PCDHA7: variants seen among roughly 807,000 people sequenced by gnomAD.
PCDHA7 encodes the protein protocadherin alpha-7.
PCDHA7 carries 37 observed loss-of-function variants against 57.2 expected under a neutral mutation model. The ratio of observed to expected loss-of-function variants is 0.65; its 90% CI spans 0.50 to 0.85. The LOEUF (loss-of-function observed/expected upper bound fraction) is 0.85. Ranked by LOEUF, PCDHA7 falls within the 40% of genes least tolerant of loss-of-function variation. The pLI is 0.00. For missense variants in PCDHA7, 1,188 were observed against 1,241.8 expected, an observed-to-expected ratio of 0.96 and a Z score of 0.65; for synonymous variants, 553 against 558.8, an observed-to-expected ratio of 0.99 and a Z score of 0.15.
intron 1 of PCDHA7, among the ~76,000 whole-genome samples, chr5:140,941,955 A>G (rs1424348103): frequency 1.3e-5 from 2 of 152,216 alleles, no homozygotes; most frequent in Non-Finnish European, 2.9e-5. Flanking sequence ...TTTGAAAACA[A>G]TAGTATCTTT....
intron 2 of PCDHA7, among the ~76,000 whole-genome samples, chr5:140,979,612 G>A (rs1223690856): frequency 6.6e-6 from 1 of 152,042 alleles, no homozygotes; most frequent in Admixed American, 6.6e-5. Flanking sequence ...CTAGAGTAAC[G>A]GTATTAGTCT....
At chr5:140,927,893 A>G (rs1554205201) in intron 1 of PCDHA7, 1 of 1,614,050 alleles carries the variant, frequency 6.2e-7, no homozygotes, top group Non-Finnish European at 8.5e-7. Flanking sequence ...ACTGACGTGA[A>G]CGATCATGCC....
chr5:140,867,395 T>C (rs1319055963), intron 1 of PCDHA7: 1 of 152,176 alleles, frequency 6.6e-6, no homozygotes, highest in Admixed American at 6.5e-5. Context: ...TTATAAAAGT[T>C]GATATGTCTC....
intron 1 of PCDHA7, chr5:140,876,311 G>A: frequency 1.2e-6 from 2 of 1,613,954 alleles, no homozygotes; most frequent in East Asian, 2.2e-5. Flanking sequence ...ATTTCCTATG[G>A]GATCAAAATG....
intron 1 of PCDHA7, chr5:140,843,752 T>C: frequency 6.6e-7 from 1 of 1,516,544 alleles, no homozygotes; most frequent in South Asian, 1.2e-5. Context: ...TAAATTCTAT[T>C]TGTGGAAATT....
intron 1 of PCDHA7, among the ~76,000 whole-genome samples, chr5:140,886,080 C>A (rs910230815): frequency 3.7e-4 from 56 of 152,268 alleles, no homozygotes; most frequent in African/African-American, 1.2e-3. Flanking sequence ...CATACCACAA[C>A]CTGGATATTG....
In PCDHA7 at chr5:141,011,970, C is replaced by T. The variant is rs975637071; in HGVS notation, c.*2033C>T. ...AGCATTAAATTTAAAAAAAAACTGT[C>T]TTGTCTACTTTTAGCTTCATTCTCC... On this transcript the variant is annotated 3_prime_UTR_variant, in exon 4 of 4. Coordinates refer to ENST00000525929, the MANE Select transcript of PCDHA7 (RefSeq NM_018910.3). 6.5e-6 allele frequency: 1 copy of T among 153,576 alleles called. No homozygotes were observed. Among genetic ancestry groups the T allele is most frequent in the African/African-American group, 2.4e-5 (1 of 41,406 alleles). The allele number at this position is 153,576 out of a possible 1,614,324, so 9.5% of individuals were successfully genotyped here.
intron 1 of PCDHA7, among the ~76,000 whole-genome samples, chr5:140,879,556 A>G (rs2058036538): frequency 6.6e-6 from 1 of 152,240 alleles, no homozygotes; most frequent in South Asian, 2.1e-4. Context: ...AAAATAATCC[A>G]TGAAAGAATA....
intron 1 of PCDHA7, chr5:140,927,842 T>A (rs201721848): frequency 1.9e-6 from 3 of 1,614,140 alleles, no homozygotes; most frequent in Admixed American, 1.7e-5. Context: ...GACGAAGGTG[T>A]CTTTGGTTTA....
chr5:140,858,663 C>A, intron 1 of PCDHA7: 1 of 735,366 alleles, frequency 1.4e-6, no homozygotes, highest in Non-Finnish European at 2.1e-6. Flanking sequence ...TTTTAAATAA[C>A]AATTTATTCT....
intron 1 of PCDHA7, among the ~76,000 whole-genome samples, chr5:140,896,899 C>T (rs191660343): frequency 1.4e-4 from 21 of 152,112 alleles, no homozygotes; most frequent in Admixed American, 1.4e-3. Flanking sequence ...CATTTTGATA[C>T]AAGCATGCAA....
intron 1 of PCDHA7, among the ~76,000 whole-genome samples, chr5:140,899,434 A>G (rs1583342387): frequency 6.6e-6 from 1 of 152,206 alleles, no homozygotes; most frequent in East Asian, 1.9e-4. Flanking sequence ...TCTTTTCTGC[A>G]TCTATTGAGA....
intron 1 of PCDHA7, chr5:140,927,637 G>C (rs1554204838): frequency 6.2e-7 from 1 of 1,614,176 alleles, no homozygotes; most frequent in Non-Finnish European, 8.5e-7. Flanking sequence ...TGCACCCAAT[G>C]GGACTGTGTT....
At position 140,850,814 on chromosome 5, in the gene PCDHA7, C is replaced by A. The variant is rs2150499236; in HGVS notation, c.2355+14076C>A. The A allele has an allele frequency of 8.1e-6, 13 of 1,598,168 alleles. 1 individual carries two copies. In the South Asian group the frequency reaches 1.4e-4, roughly 18 times the overall value. On this transcript the variant is annotated intron_variant, in intron 1 of 3. Transcript: ENST00000525929. ...AGAAGACCGACCTCATGGCCTTCAG[C>A]CCGGGCCTTTCTCCTTGTGCTGGAT...
intron 1 of PCDHA7, among the ~76,000 whole-genome samples, chr5:140,888,192 A>G (rs906159358): frequency 4.6e-5 from 7 of 152,120 alleles, no homozygotes; most frequent in Non-Finnish European, 8.8e-5. Context: ...TGAATTTTAC[A>G]TTGTCGGATG....
At chr5:140,937,829 A>G (rs1305110198) in intron 1 of PCDHA7, among the ~76,000 whole-genome samples, 2 of 148,988 alleles carry the variant, frequency 1.3e-5, no homozygotes, top group African/African-American at 2.5e-5. Context: ...GGAGAATGGC[A>G]TGAACCTGGA....
chr5:140,877,634 T>C, intron 1 of PCDHA7: 1 of 1,613,738 alleles, frequency 6.2e-7, no homozygotes, highest in Non-Finnish European at 8.5e-7. Context: ...TACACTGCGC[T>C]GCGTTGCTCA....
Position 140,941,322 on chromosome 5 carries a change from T to C in PCDHA7, c.2356-37627T>C, listed in dbSNP as rs1340835610. Among the ~76,000 whole-genome samples the C allele has an allele frequency of 3.4e-5, 5 of 145,550 alleles. No individual in the cohort carries two copies. The East Asian group carries it at 6.0e-4, about 17-fold the overall frequency. The stretch of plus-strand genomic sequence containing the variant: ...TTTCTTTCTTTTTCTTCTTTCTCTT[T>C]TTTTTTTTTTTTCAGATGGAGTCTT... On this transcript the variant is annotated intron_variant, in intron 1 of 3. Coordinates refer to ENST00000525929, the MANE Select transcript of PCDHA7 (RefSeq NM_018910.3).
At chr5:140,994,562 G>A (rs1554254244) in intron 3 of PCDHA7, among the ~76,000 whole-genome samples, 2 of 152,094 alleles carry the variant, frequency 1.3e-5, no homozygotes, top group Non-Finnish European at 2.9e-5. Context: ...AAAATTAGCC[G>A]GGTGTGGTGG....
Sources: gnomAD v4.1 joint callset for allele counts (sites outside exome capture counted in the v4.1 genomes callset) on GRCh38, gnomAD v4.1.1 for gene constraint, MANE v1.5 for transcripts, NCBI Gene and HGNC (gene_info 2026-07-23, HGNC 2026-07-21) for gene names.